LRRC7: variants seen among roughly 807,000 people sequenced by gnomAD.
LRRC7 encodes the protein leucine-rich repeat-containing protein 7.
A neutral mutation model predicts 175.7 loss-of-function variants in LRRC7; 23 were observed. The observed-to-expected ratio is 0.13, with a 90% CI of 0.09 to 0.19. LRRC7 has a LOEUF of 0.19. Ranked by LOEUF, LRRC7 falls within the 10% of genes least tolerant of loss-of-function variation. The probability of loss-of-function intolerance (pLI) is 1.00; values close to 1 mark genes in which losing one functional copy is unlikely to be tolerated. For missense variants in LRRC7, 1,354 were observed against 1,904.7 expected, an observed-to-expected ratio of 0.71 and a Z score of 5.38; for synonymous variants, 685 against 680.9, an observed-to-expected ratio of 1.01 and a Z score of -0.09.
intron 8 of LRRC7, among the ~76,000 whole-genome samples, chr1:69,946,457 T>A (rs1439147609): frequency 2.6e-5 from 4 of 152,256 alleles, no homozygotes; most frequent in African/African-American, 4.8e-5. Context: ...GTATTTTTTT[T>A]ATTGATCTGG....
At chr1:69,596,240 G>T (rs894990645) in intron 1 of LRRC7, among the ~76,000 whole-genome samples, 5 of 151,980 alleles carry the variant, frequency 3.3e-5, no homozygotes, top group African/African-American at 1.2e-4. Context: ...ACCCTTTTTG[G>T]ATAAAAAGTT....
intron 2 of LRRC7, among the ~76,000 whole-genome samples, chr1:69,695,086 T>G (rs1347656187): frequency 6.6e-6 from 1 of 152,160 alleles, no homozygotes; most frequent in Non-Finnish European, 1.5e-5. Flanking sequence ...TTGAAACTTT[T>G]GAGTGGCTTC....
intron 2 of LRRC7, among the ~76,000 whole-genome samples, chr1:69,681,491 C>A (rs1557592852): frequency 6.6e-6 from 1 of 152,060 alleles, no homozygotes; most frequent in Non-Finnish European, 1.5e-5. Flanking sequence ...ATGTTAAAAT[C>A]AACATAGACG....
Position 70,137,744 on chromosome 1 carries a change from T to C in LRRC7, c.*15857T>C, listed in dbSNP as rs913253671. On this transcript the variant is annotated 3_prime_UTR_variant, in exon 27 of 27. Transcript: ENST00000651989. Reference sequence around the variant, plus strand: ...ACAGCTGAAATGCTGACATGGCCTATCCAGCCAGAGCCTTCAATTAAGAGT... The same window carrying C: ...ACAGCTGAAATGCTGACATGGCCTACCCAGCCAGAGCCTTCAATTAAGAGT... 3.9e-5 allele frequency among the ~76,000 whole-genome samples: 6 copies of C among 152,248 alleles called. No homozygotes were observed. The highest frequency in any genetic ancestry group is 1.4e-4 in the African/African-American group (6 of 41,464).
chr1:69,681,548 C>T (rs12035984), intron 2 of LRRC7, among the ~76,000 whole-genome samples: 31,833 of 151,950 alleles, frequency 0.21, 3,499 homozygotes, highest in South Asian at 0.29. Flanking sequence ...ATGCTGCATC[C>T]GGCATAGTCA....
At chr1:69,717,812 AAGAAAGAAAGAAAG>A (rs1665619575) in intron 2 of LRRC7, among the ~76,000 whole-genome samples, 1 of 48,648 alleles carries the variant, frequency 2.1e-5, no homozygotes, top group Non-Finnish European at 3.7e-5. Context: ...GAAAGAAAGA[AAGAAAGAAAGAAAG>A]AAAGAAAGAA....
At chr1:69,696,384 T>A (rs1662586160) in intron 2 of LRRC7, among the ~76,000 whole-genome samples, 1 of 152,180 alleles carries the variant, frequency 6.6e-6, no homozygotes, top group Non-Finnish European at 1.5e-5. Flanking sequence ...CACCATTATA[T>A]CTTGGAAGTA....
intron 5 of LRRC7, among the ~76,000 whole-genome samples, chr1:69,832,213 T>A (rs1204786457): frequency 1.3e-5 from 2 of 152,142 alleles, no homozygotes; most frequent in East Asian, 3.9e-4. Context: ...GTAAAACACA[T>A]ACCAGGGTTA....
At chr1:69,938,195 A>G (rs572625372) in intron 8 of LRRC7, among the ~76,000 whole-genome samples, 12 of 152,218 alleles carry the variant, frequency 7.9e-5, no homozygotes, top group African/African-American at 2.9e-4. Flanking sequence ...GCAGGAAATA[A>G]GTAGTGTCAT....
At chr1:69,615,338 A>G (rs1455107003) in intron 1 of LRRC7, among the ~76,000 whole-genome samples, 1 of 152,074 alleles carries the variant, frequency 6.6e-6, no homozygotes, top group African/African-American at 2.4e-5. Flanking sequence ...AAAATTCAGC[A>G]GAAGACTACT....
chr1:70,098,132 T>C lies in LRRC7; in HGVS notation c.4545+8313T>C, dbSNP rs373529009. Among the ~76,000 whole-genome samples, 20 of 152,310 alleles carry C rather than the reference T, an allele frequency of 1.3e-4. No individual in the cohort carries two copies. In the East Asian group the frequency reaches 3.1e-3, roughly 24 times the overall value. On this transcript the variant is annotated intron_variant, in intron 25 of 26. Coordinates refer to ENST00000651989, the MANE Select transcript of LRRC7 (RefSeq NM_001370785.2). ...ATCCTCTCCAGCACCTGTTGTTTCC[T>C]GACTTTTGAATGATTGCCATTCTAC...
At chr1:69,578,607 C>A (rs967215631) in intron 1 of LRRC7, among the ~76,000 whole-genome samples, 2 of 151,064 alleles carry the variant, frequency 1.3e-5, no homozygotes, top group Non-Finnish European at 2.9e-5. Flanking sequence ...GAATACTATG[C>A]GGCCATAAAA....
At chr1:69,848,908 T>C (rs1324563569) in intron 7 of LRRC7, among the ~76,000 whole-genome samples, 1 of 152,130 alleles carries the variant, frequency 6.6e-6, no homozygotes, top group Non-Finnish European at 1.5e-5. Flanking sequence ...TATGAGGTTA[T>C]AGTTTGTCCT....
intron 24 of LRRC7, among the ~76,000 whole-genome samples, chr1:70,086,324 T>G (rs1402581828): frequency 6.6e-6 from 1 of 151,952 alleles, no homozygotes; most frequent in East Asian, 1.9e-4. Flanking sequence ...AAAAAAGCCT[T>G]TCCAAAATAA....
intron 7 of LRRC7, among the ~76,000 whole-genome samples, chr1:69,900,187 A>G (rs1646095212): frequency 6.6e-6 from 1 of 152,164 alleles, no homozygotes; most frequent in South Asian, 2.1e-4. Flanking sequence ...CAACTAATAA[A>G]CAATATTACT....
chr1:69,857,913 A>C (rs1447576528), intron 7 of LRRC7, among the ~76,000 whole-genome samples: 3 of 152,222 alleles, frequency 2.0e-5, no homozygotes, highest in African/African-American at 7.2e-5. Context: ...CAAAACAGAG[A>C]TATAGATCAA....
chr1:69,841,556 G>C (rs1681732236), intron 7 of LRRC7, among the ~76,000 whole-genome samples: 1 of 152,034 alleles, frequency 6.6e-6, no homozygotes, highest in Non-Finnish European at 1.5e-5. Flanking sequence ...AGATGCAGAA[G>C]GCCGATGCAC....
At chr1:70,042,751 T>C (rs1660017673) in intron 21 of LRRC7, among the ~76,000 whole-genome samples, 1 of 152,194 alleles carries the variant, frequency 6.6e-6, no homozygotes, top group South Asian at 2.1e-4. Context: ...GTTCAGTGTC[T>C]TTTTCAATTT....
chr1:69,835,142 A>G (rs1242540608), intron 6 of LRRC7, among the ~76,000 whole-genome samples: 1 of 152,006 alleles, frequency 6.6e-6, no homozygotes, highest in Non-Finnish European at 1.5e-5. Flanking sequence ...GAGGGAAAAA[A>G]AGGAGATGAA....
Sources: allele counts gnomAD v4.1 joint callset (sites outside exome capture counted in the v4.1 genomes callset), GRCh38; gene constraint gnomAD v4.1.1; transcripts MANE v1.5; gene names NCBI Gene and HGNC (gene_info 2026-07-23, HGNC 2026-07-21).